The following PRRG1 variants were observed in gnomAD, a reference collection of about 807,000 sequenced individuals.
PRRG1 encodes the protein proline rich and Gla domain 1.
A neutral mutation model predicts 11.8 loss-of-function variants in PRRG1; 5 were observed. That is an observed-to-expected ratio of 0.42 (90% CI 0.22 to 0.89). PRRG1 has a LOEUF of 0.89. PRRG1 is among the 40% of genes least tolerant of loss of function. The probability of loss-of-function intolerance (pLI) is 0.28; values close to 1 mark genes in which losing one functional copy is unlikely to be tolerated. For synonymous variants in PRRG1, 66 were observed against 60.4 expected (o/e 1.09, Z -0.43); for missense variants, 155 against 166.1 (o/e 0.93, Z 0.37).
Position 37,440,269 on chromosome X carries a change from G to C in PRRG1, c.172-12867G>C, listed in dbSNP as rs1346387944. ...TTGATTCTTAAGCCAGTTTTCATTA[G>C]CATCATACCATGTAGCTAACACACT... is the stretch of plus-strand genomic sequence containing the variant. On this transcript the variant is annotated intron_variant, in intron 3 of 3. Coordinates refer to ENST00000378628, the MANE Select transcript of PRRG1 (RefSeq NM_001142395.2). 6.3e-5 allele frequency among the ~76,000 whole-genome samples: 7 copies of C among 111,757 alleles called. No homozygotes were observed. The East Asian group carries it at 1.9e-3, about 31-fold the overall frequency.
At chrX:37,441,547 G>C in intron 3 of PRRG1, 1 of 762,972 alleles carries the variant, frequency 1.3e-6, no homozygotes, top group African/African-American at 2.3e-5. Flanking sequence ...AGTGTTGCAG[G>C]TGCGTCAGAA....
chrX:37,408,104 C>T (rs782367963), intron 2 of PRRG1, among the ~76,000 whole-genome samples: 2 of 111,819 alleles, frequency 1.8e-5, no homozygotes, highest in Admixed American at 9.5e-5. Flanking sequence ...ATCTGTGCCA[C>T]GTCCTGCCCG....
intron 1 of PRRG1, among the ~76,000 whole-genome samples, chrX:37,404,138 G>C: frequency 9.0e-6 from 1 of 111,602 alleles, no homozygotes; most frequent in Non-Finnish European, 1.9e-5. Context: ...AAATATTAAA[G>C]AATAAACAAA....
chrX:37,405,453 C>G (rs1262978073), intron 1 of PRRG1, among the ~76,000 whole-genome samples: 1 of 111,147 alleles, frequency 9.0e-6, no homozygotes, highest in Non-Finnish European at 1.9e-5. Flanking sequence ...GGGAACATGA[C>G]AAGTGAATAA....
intron 1 of PRRG1, among the ~76,000 whole-genome samples, chrX:37,378,437 G>T (rs1227322320): frequency 8.9e-6 from 1 of 112,077 alleles, no homozygotes; most frequent in African/African-American, 3.2e-5. Flanking sequence ...TAGCCAAAGA[G>T]AATTTTCTCC....
chrX:37,453,388 A>G lies in PRRG1; in HGVS notation c.424A>G (p.Ser142Gly). The G allele has an allele frequency of 8.3e-7, 1 of 1,204,722 alleles. No homozygotes were observed. The highest frequency in any genetic ancestry group is 1.1e-6 in the Non-Finnish European group (1 of 892,253). Reference sequence around the variant, plus strand: ...CCCACCAGATGAAGTGTTTGACAGCAGTGGATTGTCTCCAGGCTTTCTGGG... The same window carrying G: ...CCCACCAGATGAAGTGTTTGACAGCGGTGGATTGTCTCCAGGCTTTCTGGG... ...PPPPDEVFDS[S>G]GLSPGFLGYV... is the part of the protein sequence containing the mutation. The change falls in exon 4 of 4, where the codon AGT (serine) becomes GGT (glycine). Residue 142 changes from serine to glycine, a missense_variant. Transcript: ENST00000378628.
intron 1 of PRRG1, among the ~76,000 whole-genome samples, chrX:37,356,795 G>A (rs1930249408): frequency 9.0e-6 from 1 of 111,038 alleles, no homozygotes; most frequent in Admixed American, 9.5e-5. Flanking sequence ...TACAAGGAAA[G>A]TACAGAGAGT....
At chrX:37,395,660 A>G (rs1241046577) in intron 1 of PRRG1, among the ~76,000 whole-genome samples, 4 of 110,322 alleles carry the variant, frequency 3.6e-5, no homozygotes, top group African/African-American at 1.3e-4. Flanking sequence ...TACACCTTAA[A>G]TATATACAAT....
chrX:37,439,732 G>GTGGTGGC (rs1451606126), intron 3 of PRRG1, among the ~76,000 whole-genome samples: 1 of 109,835 alleles, frequency 9.1e-6, no homozygotes, highest in East Asian at 2.8e-4. Flanking sequence ...AACAGAAAAA[G>GTGGTGGC]TGGTGGCTGG....
At chrX:37,445,547 A>G (rs1355285975) in intron 3 of PRRG1, among the ~76,000 whole-genome samples, 1 of 112,325 alleles carries the variant, frequency 8.9e-6, no homozygotes, top group Non-Finnish European at 1.9e-5. Flanking sequence ...TAAACAACTT[A>G]CTCGATCATG....
At chrX:37,376,549 GTGTA>G (rs1306652729) in intron 1 of PRRG1, among the ~76,000 whole-genome samples, 388 of 16,031 alleles carry the variant, frequency 0.024, 31 homozygotes, top group African/African-American at 0.031. Context: ...AGAAATGTGA[GTGTA>G]TATATATATA....
chrX:37,426,093 G>A (rs1556388342), intron 3 of PRRG1, 93 bp downstream of exon 3: 2 of 941,248 alleles, frequency 2.1e-6, no homozygotes, highest in Admixed American at 7.7e-5. Context: ...TACATTGCTA[G>A]CAATTAAAAA....
chrX:37,421,160 A>G (rs1008984857), intron 2 of PRRG1, among the ~76,000 whole-genome samples: 9 of 111,775 alleles, frequency 8.1e-5, no homozygotes, highest in Non-Finnish European at 1.7e-4. Flanking sequence ...GAGCTTATTT[A>G]TTTTGAAATT....
At chrX:37,379,535 A>C (rs1299630937) in intron 1 of PRRG1, among the ~76,000 whole-genome samples, 2 of 111,425 alleles carry the variant, frequency 1.8e-5, no homozygotes, top group East Asian at 5.6e-4. Context: ...ATATTTATAT[A>C]AGGAACTATG....
At chrX:37,367,377 A>G (rs891836406) in intron 1 of PRRG1, among the ~76,000 whole-genome samples, 3 of 111,934 alleles carry the variant, frequency 2.7e-5, no homozygotes, top group Non-Finnish European at 3.8e-5. Flanking sequence ...TTCAATGATT[A>G]ATTTACAATT....
chrX:37,372,077 A>G (rs781809084), intron 1 of PRRG1, among the ~76,000 whole-genome samples: 3 of 112,762 alleles, frequency 2.7e-5, no homozygotes, highest in Non-Finnish European at 5.6e-5. Context: ...GGCTATACTA[A>G]TTTACATTTC....
At chrX:37,398,295 C>T (rs912009890) in intron 1 of PRRG1, among the ~76,000 whole-genome samples, 6 of 111,454 alleles carry the variant, frequency 5.4e-5, no homozygotes, top group Non-Finnish European at 9.4e-5. Context: ...TCCAGAGGAA[C>T]GATCAGACAG....
chrX:37,414,858 C>T (rs1932445293), intron 2 of PRRG1, among the ~76,000 whole-genome samples: 1 of 112,184 alleles, frequency 8.9e-6, no homozygotes, highest in Non-Finnish European at 1.9e-5. Flanking sequence ...ATGTTATGTG[C>T]TTCTCTGATG....
chrX:37,376,627 G>A (rs1251550263), intron 1 of PRRG1, among the ~76,000 whole-genome samples: 1 of 88,641 alleles, frequency 1.1e-5, no homozygotes, highest in Non-Finnish European at 2.2e-5. Flanking sequence ...CCCAGAAATG[G>A]AAAGTTTTCA....
Sources: allele counts gnomAD v4.1 joint callset (sites outside exome capture counted in the v4.1 genomes callset), GRCh38; gene constraint gnomAD v4.1.1; transcripts MANE v1.5; gene names NCBI Gene and HGNC (gene_info 2026-07-23, HGNC 2026-07-21).